HSF5: variants seen among roughly 807,000 people sequenced by gnomAD.
HSF5 encodes heat shock factor protein 5.
In HSF5, 5 loss-of-function variants were observed where a neutral mutation model predicts 50.8. That is an observed-to-expected ratio of 0.10 (90% CI 0.05 to 0.21). The LOEUF (loss-of-function observed/expected upper bound fraction) is 0.21, where lower values mean the gene tolerates loss of function less well. HSF5 is among the 10% of genes least tolerant of loss of function. HSF5 has a pLI of 1.00. For synonymous variants in HSF5, 307 were observed against 307.4 expected (o/e 1.00, Z 0.02); for missense variants, 564 against 762.6 (o/e 0.74, Z 3.07).
chr17:58,422,495 G>A (rs1020629238), intron 5 of HSF5, 65 bp from the exon 6 acceptor site: 7 of 1,301,284 alleles, frequency 5.4e-6, no homozygotes, highest in Non-Finnish European at 6.6e-6. Context: ...CAAGTTTTCA[G>A]ACAAGCAGAA....
chr17:58,471,888 C>T (rs1349429183), intron 2 of HSF5, among the ~76,000 whole-genome samples: 1 of 152,166 alleles, frequency 6.6e-6, no homozygotes, highest in Non-Finnish European at 1.5e-5. Flanking sequence ...GGGTCTTGAT[C>T]TGTTGCCGAG....
intron 5 of HSF5, among the ~76,000 whole-genome samples, chr17:58,449,238 CA>C (rs1974601796): frequency 6.6e-6 from 1 of 152,192 alleles, no homozygotes; most frequent in Non-Finnish European, 1.5e-5. Flanking sequence ...AGTTACAAAA[CA>C]ACCAGAAGAA....
At chr17:58,455,663 A>T (rs990602787) in intron 5 of HSF5, among the ~76,000 whole-genome samples, 13 of 152,138 alleles carry the variant, frequency 8.5e-5, no homozygotes, top group Admixed American at 6.5e-5. Context: ...GTCTGATTTT[A>T]AAAATGAGCA....
At chr17:58,481,505 C>A (rs1267181417) in intron 1 of HSF5, among the ~76,000 whole-genome samples, 1 of 152,216 alleles carries the variant, frequency 6.6e-6, no homozygotes, top group Admixed American at 6.5e-5. Flanking sequence ...TGCATTAAAT[C>A]ATGTGACTGA....
chr17:58,467,179 T>C (rs957915928), intron 2 of HSF5, among the ~76,000 whole-genome samples, 200 bp from the exon 3 acceptor site: 1 of 152,226 alleles, frequency 6.6e-6, no homozygotes, highest in Non-Finnish European at 1.5e-5. Context: ...TAAAGGTCTT[T>C]AAAAGGGTCA....
At chr17:58,444,738 G>A (rs1448500261) in intron 5 of HSF5, among the ~76,000 whole-genome samples, 1 of 152,122 alleles carries the variant, frequency 6.6e-6, no homozygotes, top group Non-Finnish European at 1.5e-5. Flanking sequence ...AGACAGATGG[G>A]ACTACATCAA....
At chr17:58,486,831 G>T (rs1975187801) in intron 1 of HSF5, among the ~76,000 whole-genome samples, 1 of 151,900 alleles carries the variant, frequency 6.6e-6, no homozygotes, top group Non-Finnish European at 1.5e-5. Flanking sequence ...CCTCTTCAAG[G>T]ACAAATTTCC....
At chr17:58,452,171 GC>G (rs528057682) in intron 5 of HSF5, among the ~76,000 whole-genome samples, 61 of 151,982 alleles carry the variant, frequency 4.0e-4, no homozygotes, top group Non-Finnish European at 7.8e-4. Context: ...GATCACTTAA[GC>G]CCAGGAGTTC....
chr17:58,428,414 C>G (rs1358478812), intron 5 of HSF5, among the ~76,000 whole-genome samples: 1 of 152,166 alleles, frequency 6.6e-6, no homozygotes, highest in Non-Finnish European at 1.5e-5. Context: ...AATCCCAACA[C>G]TTTGGGAGGC....
At chr17:58,469,522 C>T (rs1465008665) in intron 2 of HSF5, among the ~76,000 whole-genome samples, 1 of 152,124 alleles carries the variant, frequency 6.6e-6, no homozygotes, top group East Asian at 1.9e-4. Context: ...CAAAAAGATT[C>T]CTCAATGGCT....
intron 5 of HSF5, among the ~76,000 whole-genome samples, chr17:58,430,113 TC>T (rs1454111193): frequency 6.6e-6 from 1 of 152,016 alleles, no homozygotes; most frequent in Non-Finnish European, 1.5e-5. Flanking sequence ...TCATTCTGTC[TC>T]CCAGGCTGGA....
At chr17:58,473,004 A>C (rs1234642961) in intron 2 of HSF5, among the ~76,000 whole-genome samples, 1 of 152,100 alleles carries the variant, frequency 6.6e-6, no homozygotes, top group African/African-American at 2.4e-5. Context: ...CAAAAAAACA[A>C]AGCAAAAAAC....
At chr17:58,461,082 G>A (rs928586149) in intron 4 of HSF5, among the ~76,000 whole-genome samples, 7 of 151,554 alleles carry the variant, frequency 4.6e-5, no homozygotes, top group Admixed American at 2.6e-4. Context: ...AGCCTGGGGG[G>A]ACACACCTGT....
At chr17:58,449,464 C>T (rs933683997) in intron 5 of HSF5, among the ~76,000 whole-genome samples, 3 of 152,184 alleles carry the variant, frequency 2.0e-5, no homozygotes, top group African/African-American at 7.2e-5. Context: ...CTTCTGGAGA[C>T]CGAGGCAGGC....
At chr17:58,428,616 A>C (rs763851148) in intron 5 of HSF5, among the ~76,000 whole-genome samples, 2 of 152,092 alleles carry the variant, frequency 1.3e-5, no homozygotes, top group Non-Finnish European at 2.9e-5. Context: ...CCGAGATCAC[A>C]CCACTGCACT....
intron 5 of HSF5, among the ~76,000 whole-genome samples, chr17:58,428,238 A>G (rs914644780): frequency 6.6e-6 from 1 of 152,246 alleles, no homozygotes; most frequent in East Asian, 1.9e-4. Context: ...TAAGGAAAAC[A>G]GGAAAAAGAT....
chr17:58,442,571 C>A (rs1325251456), intron 5 of HSF5, among the ~76,000 whole-genome samples: 1 of 152,150 alleles, frequency 6.6e-6, no homozygotes, highest in Non-Finnish European at 1.5e-5. Context: ...TTGTCCAATG[C>A]TTTCCCTGCA....
intron 5 of HSF5, among the ~76,000 whole-genome samples, chr17:58,439,284 A>AAC (rs1567907467): frequency 6.7e-6 from 1 of 149,864 alleles, no homozygotes; most frequent in African/African-American, 2.4e-5. Context: ...AAAAAAACAA[A>AAC]AACAACAACA....
At chr17:58,442,210 G>GACA (rs1974507525) in intron 5 of HSF5, among the ~76,000 whole-genome samples, 1 of 152,182 alleles carries the variant, frequency 6.6e-6, no homozygotes, top group Non-Finnish European at 1.5e-5. Context: ...TTCCATGGTG[G>GACA]TGGAATGCTT....
Sources: allele counts gnomAD v4.1 joint callset (sites outside exome capture counted in the v4.1 genomes callset), GRCh38; gene constraint gnomAD v4.1.1; transcripts MANE v1.5; gene names NCBI Gene and HGNC (gene_info 2026-07-23, HGNC 2026-07-21).